EHBP1: variants seen among roughly 807,000 people sequenced by gnomAD.
The protein encoded by EHBP1 is EH domain binding protein 1.
EHBP1 carries 55 observed loss-of-function variants against 144.0 expected under a neutral mutation model. The observed-to-expected ratio is 0.38, with a 90% CI of 0.31 to 0.48. EHBP1 has a LOEUF of 0.48. EHBP1 is among the 20% of genes least tolerant of loss of function. The pLI, the probability that EHBP1 is intolerant of heterozygous loss-of-function variation, is 0.98. For synonymous variants in EHBP1, 469 were observed against 472.7 expected (o/e 0.99, Z 0.10); for missense variants, 1,200 against 1,364.2 (o/e 0.88, Z 1.90).
intron 19 of EHBP1, among the ~76,000 whole-genome samples, chr2:63,010,973 C>T (rs910304985): frequency 2.0e-5 from 3 of 151,328 alleles, no homozygotes; most frequent in African/African-American, 7.3e-5. Flanking sequence ...TCTAGGTTTC[C>T]TTAAAGAGGG....
chr2:62,892,903 A>G (rs1218493766), intron 10 of EHBP1, among the ~76,000 whole-genome samples: 1 of 152,170 alleles, frequency 6.6e-6, no homozygotes, highest in Non-Finnish European at 1.5e-5. Flanking sequence ...CACATAAACC[A>G]AAGTAATTAC....
chr2:63,019,135 T>C (rs2060597414), intron 19 of EHBP1, among the ~76,000 whole-genome samples: 1 of 152,178 alleles, frequency 6.6e-6, no homozygotes, highest in African/African-American at 2.4e-5. Flanking sequence ...CTGAGAAATT[T>C]GTTAAAAACA....
chr2:62,927,788 G>T (rs766790549), intron 10 of EHBP1, among the ~76,000 whole-genome samples: 1 of 152,082 alleles, frequency 6.6e-6, no homozygotes, highest in East Asian at 1.9e-4. Context: ...AAAAAACTGC[G>T]CAACAACAGA....
intron 10 of EHBP1, among the ~76,000 whole-genome samples, chr2:62,885,399 A>C (rs1287392459): frequency 1.3e-5 from 2 of 152,218 alleles, no homozygotes; most frequent in Non-Finnish European, 2.9e-5. Context: ...AATATTTTTA[A>C]AAAAACAGCT....
intron 4 of EHBP1, among the ~76,000 whole-genome samples, chr2:62,768,473 T>C (rs1206214084): frequency 1.3e-5 from 2 of 152,106 alleles, no homozygotes; most frequent in East Asian, 1.9e-4. Context: ...CAGGAAGAAA[T>C]TGATTCCCTG....
chr2:62,750,762 C>A lies in EHBP1; in HGVS notation c.162+3310C>A, dbSNP rs1445609035. 2.8e-4 allele frequency among the ~76,000 whole-genome samples: 43 copies of A among 151,962 alleles called. No homozygotes were observed. The South Asian group carries it at 6.9e-3, about 24-fold the overall frequency. On this transcript the variant is annotated intron_variant, in intron 3 of 22. Transcript: ENST00000431489. Reference sequence around the variant, plus strand: ...TTGAAGCAATTGTGAATGGGAGTTCCCTCATGATTTGGCTCTCTGTTTGTC... The same window carrying A: ...TTGAAGCAATTGTGAATGGGAGTTCACTCATGATTTGGCTCTCTGTTTGTC...
intron 16 of EHBP1, among the ~76,000 whole-genome samples, chr2:62,991,651 A>T (rs1464495441): frequency 2.0e-5 from 3 of 152,172 alleles, no homozygotes; most frequent in South Asian, 4.1e-4. Context: ...TTATAAGACT[A>T]TTATTAGACT....
At chr2:62,854,360 T>A (rs867698581) in intron 7 of EHBP1, among the ~76,000 whole-genome samples, 5 of 152,278 alleles carry the variant, frequency 3.3e-5, no homozygotes, top group African/African-American at 4.8e-5. Context: ...TTTGCATTCA[T>A]AACTTGTCTA....
At chr2:62,730,763 G>C (rs61167474) in intron 2 of EHBP1, among the ~76,000 whole-genome samples, 17 of 104,434 alleles carry the variant, frequency 1.6e-4, no homozygotes, top group African/African-American at 4.8e-4. Flanking sequence ...AAGAAAGAGA[G>C]AGACAGACAA....
chr2:62,762,587 T>TAGA (rs1290337853), intron 3 of EHBP1, among the ~76,000 whole-genome samples: 1 of 152,182 alleles, frequency 6.6e-6, no homozygotes, highest in Non-Finnish European at 1.5e-5. Flanking sequence ...TTCTATAAGG[T>TAGA]AGAAGCCTTA....
chr2:62,766,336 A>G (rs931110075), intron 4 of EHBP1, among the ~76,000 whole-genome samples: 8 of 152,132 alleles, frequency 5.3e-5, no homozygotes, highest in African/African-American at 1.9e-4. Context: ...GAAATAGCCT[A>G]GGTACGATCT....
chr2:62,822,098 T>C (rs1280238196), intron 5 of EHBP1, among the ~76,000 whole-genome samples: 1 of 152,224 alleles, frequency 6.6e-6, no homozygotes, highest in African/African-American at 2.4e-5. Context: ...AGTTTTTTTT[T>C]AACGATGTTT....
At chr2:63,014,060 A>C (rs908590382) in intron 19 of EHBP1, among the ~76,000 whole-genome samples, 3 of 152,226 alleles carry the variant, frequency 2.0e-5, no homozygotes, top group African/African-American at 7.2e-5. Context: ...CCGCATTAGC[A>C]GTTGAGATCA....
At chr2:62,773,353 G>T (rs1042999853) in intron 5 of EHBP1, among the ~76,000 whole-genome samples, 16 of 152,070 alleles carry the variant, frequency 1.1e-4, no homozygotes, top group African/African-American at 3.9e-4. Context: ...GAAAATCTAG[G>T]CCAGTTTTCT....
At chr2:62,881,892 G>T (rs180830309) in intron 10 of EHBP1, 1 of 152,216 alleles carries the variant, frequency 6.6e-6, no homozygotes, top group East Asian at 1.9e-4. Context: ...CTCATAGCTG[G>T]TAATGTTAAA....
chr2:62,849,303 G>GGA (rs1364958852), intron 7 of EHBP1, among the ~76,000 whole-genome samples: 1 of 151,778 alleles, frequency 6.6e-6, no homozygotes, highest in Non-Finnish European at 1.5e-5. Context: ...CAGGCCACTT[G>GGA]GAGAGAGAGA....
intron 5 of EHBP1, among the ~76,000 whole-genome samples, chr2:62,776,927 A>G (rs1356644247): frequency 2.0e-5 from 3 of 152,178 alleles, no homozygotes; most frequent in Non-Finnish European, 2.9e-5. Flanking sequence ...AGATTACCCA[A>G]TTAAATCCAG....
rs1456568739 is a variant in EHBP1, at chr2:62,864,766, G to C, written c.793G>C (p.Glu265Gln). The C allele has an allele frequency of 6.2e-7, 1 of 1,612,932 alleles. No homozygotes were observed. Among genetic ancestry groups the C allele is most frequent in the Non-Finnish European group, 8.5e-7 (1 of 1,179,658 alleles). Residue 265 changes from glutamate (E) to glutamine (Q), a missense_variant, in exon 9 of 23, where the codon GAA becomes CAA. Transcript: ENST00000431489. Reference sequence around the variant, plus strand: ...TGAAACAGCTTCACCTAGAAAAACAGAAGACTCTTTTTATAATAACAGCTA... The same window carrying C: ...TGAAACAGCTTCACCTAGAAAAACACAAGACTCTTTTTATAATAACAGCTA... ...ITETASPRKT[E>Q]DSFYNNSYNP...
chr2:62,838,181 G>A (rs2047455727), intron 7 of EHBP1, among the ~76,000 whole-genome samples: 1 of 152,070 alleles, frequency 6.6e-6, no homozygotes, highest in Non-Finnish European at 1.5e-5. Flanking sequence ...TCAGGATTAA[G>A]AATCCCACTC....
Sources: allele counts gnomAD v4.1 joint callset (sites outside exome capture counted in the v4.1 genomes callset), GRCh38; gene constraint gnomAD v4.1.1; transcripts MANE v1.5; gene names NCBI Gene and HGNC (gene_info 2026-07-23, HGNC 2026-07-21).